MACROD2: variants seen among roughly 807,000 people sequenced by gnomAD.
MACROD2 encodes the protein mono-ADP ribosylhydrolase 2.
MACROD2 carries 36 observed loss-of-function variants against 70.4 expected under a neutral mutation model. The ratio of observed to expected loss-of-function variants is 0.51; its 90% CI spans 0.39 to 0.68. The LOEUF (loss-of-function observed/expected upper bound fraction) is 0.68. Ranked by LOEUF, MACROD2 falls within the 30% of genes least tolerant of loss-of-function variation. The pLI is 0.00. For synonymous variants in MACROD2, 172 were observed against 178.8 expected (o/e 0.96, Z 0.30); for missense variants, 496 against 538.4 (o/e 0.92, Z 0.78).
chr20:15,287,055 G>C (rs1478304317), intron 6 of MACROD2, among the ~76,000 whole-genome samples: 2 of 152,192 alleles, frequency 1.3e-5, no homozygotes, highest in Non-Finnish European at 2.9e-5. Context: ...TCAGAGAAAT[G>C]AAATGTGAAG....
At chr20:14,067,368 G>A (rs1374835816) in intron 2 of MACROD2, among the ~76,000 whole-genome samples, 1 of 151,988 alleles carries the variant, frequency 6.6e-6, no homozygotes, top group Non-Finnish European at 1.5e-5. Context: ...TGATCTGCCC[G>A]CCTGGGCCTC....
At position 16,031,064 on chromosome 20, in the gene MACROD2, T is replaced by C. The variant is rs57143984; in HGVS notation, c.1154-10137T>C. Among the ~76,000 whole-genome samples the C allele has an allele frequency of 8.0e-4, 121 of 152,142 alleles. 1 individual carries two copies. The East Asian group carries it at 0.021, about 27-fold the overall frequency. ...TACATAGTTAAATTTATTTAATGTA[T>C]CTTAAAGAAAATAAAAAGATGACAA... On this transcript the variant is annotated intron_variant, in intron 15 of 17. Coordinates refer to ENST00000684519, the MANE Select transcript of MACROD2 (RefSeq NM_001351661.2).
At chr20:15,084,863 T>A (rs1242193716) in intron 5 of MACROD2, among the ~76,000 whole-genome samples, 2 of 152,136 alleles carry the variant, frequency 1.3e-5, no homozygotes, top group Admixed American at 1.3e-4. Flanking sequence ...ACCTACAGAT[T>A]CAATGCAATA....
intron 5 of MACROD2, among the ~76,000 whole-genome samples, chr20:14,706,421 C>G (rs945358844): frequency 3.9e-5 from 6 of 152,130 alleles, no homozygotes; most frequent in African/African-American, 1.2e-4. Flanking sequence ...TGCTTTGGCT[C>G]TGGTCTTCAC....
chr20:14,495,313 A>T (rs2084841383), intron 4 of MACROD2, among the ~76,000 whole-genome samples: 1 of 152,110 alleles, frequency 6.6e-6, no homozygotes. Flanking sequence ...AGGGTACAGG[A>T]TGGCTGCTGG....
intron 3 of MACROD2, chr20:14,327,255 T>G (rs1372021200): frequency 3.1e-6 from 5 of 1,613,720 alleles, no homozygotes; most frequent in Middle Eastern, 1.6e-4. Flanking sequence ...TTCTTTCTAC[T>G]TTCAGCAAGT....
intron 5 of MACROD2, among the ~76,000 whole-genome samples, chr20:14,929,217 A>C (rs1358163669): frequency 1.3e-5 from 2 of 152,148 alleles, no homozygotes; most frequent in African/African-American, 2.4e-5. Context: ...AGTTTAAGGA[A>C]TCAGTCCCAC....
intron 3 of MACROD2, among the ~76,000 whole-genome samples, chr20:14,146,596 T>C (rs2148708806): frequency 6.6e-6 from 1 of 152,310 alleles, no homozygotes; most frequent in Non-Finnish European, 1.5e-5. Context: ...ATCCACTGAC[T>C]GATATTTTAT....
intron 8 of MACROD2, among the ~76,000 whole-genome samples, chr20:15,677,537 T>C (rs1486210448): frequency 6.6e-6 from 1 of 152,108 alleles, no homozygotes; most frequent in Non-Finnish European, 1.5e-5. Flanking sequence ...TGGTGACTAC[T>C]GCTACTACCA....
At chr20:14,181,376 T>C (rs555240715) in intron 3 of MACROD2, among the ~76,000 whole-genome samples, 4 of 152,162 alleles carry the variant, frequency 2.6e-5, no homozygotes, top group Non-Finnish European at 5.9e-5. Flanking sequence ...CCCTCTGTCA[T>C]TTCTTGACTA....
intron 2 of MACROD2, chr20:14,051,727 C>A: frequency 2.5e-6 from 1 of 405,724 alleles, no homozygotes; most frequent in Middle Eastern, 8.6e-4. Context: ...AAGGTATATC[C>A]TGGTGGGTAT....
Position 14,396,515 on chromosome 20 carries a change from C to T in MACROD2, c.272-96964C>T, listed in dbSNP as rs553768308. On this transcript the variant is annotated intron_variant, in intron 3 of 17. Transcript: ENST00000684519. ...CTGGAATCTACTTTTATAGCCGTTC[C>T]GATTTTCTTGTATTAGTGTTAGTAT... Among the ~76,000 whole-genome samples the T allele has an allele frequency of 1.4e-3, 218 of 152,068 alleles. 2 individuals carry two copies. Among genetic ancestry groups the T allele is most frequent in the African/African-American group, 4.9e-3 (202 of 41,480 alleles).
chr20:14,995,865 A>C (rs1403088743), intron 5 of MACROD2, among the ~76,000 whole-genome samples: 1 of 152,200 alleles, frequency 6.6e-6, no homozygotes, highest in Non-Finnish European at 1.5e-5. Context: ...CATGTATAAG[A>C]AACTAGAGAA....
At chr20:14,739,669 T>A (rs991165212) in intron 5 of MACROD2, among the ~76,000 whole-genome samples, 1 of 152,054 alleles carries the variant, frequency 6.6e-6, no homozygotes, top group African/African-American at 2.4e-5. Flanking sequence ...GTTTGTGGGA[T>A]GTTGTCATAA....
chr20:15,494,998 C>T (rs2047279474), intron 7 of MACROD2, among the ~76,000 whole-genome samples: 1 of 152,164 alleles, frequency 6.6e-6, no homozygotes, highest in African/African-American at 2.4e-5. Context: ...CCCTGCATGC[C>T]TGACCCTAAA....
At chr20:14,721,334 C>T (rs749512435) in intron 5 of MACROD2, among the ~76,000 whole-genome samples, 20 of 151,494 alleles carry the variant, frequency 1.3e-4, no homozygotes, top group Non-Finnish European at 2.1e-4. Context: ...GTTTGCACAA[C>T]GCTCAATTTG....
intron 6 of MACROD2, among the ~76,000 whole-genome samples, chr20:15,279,035 G>C (rs1216543152): frequency 2.0e-5 from 3 of 152,134 alleles, no homozygotes; most frequent in Non-Finnish European, 4.4e-5. Context: ...TGCTGAAATA[G>C]AGTTCTGTTT....
chr20:15,581,765 G>T (rs2048527480), intron 8 of MACROD2, among the ~76,000 whole-genome samples: 1 of 152,200 alleles, frequency 6.6e-6, no homozygotes, highest in Non-Finnish European at 1.5e-5. Flanking sequence ...GCTGGCTGTT[G>T]CCAGCTCTGC....
chr20:14,390,833 A>G (rs922613733), intron 3 of MACROD2, among the ~76,000 whole-genome samples: 6 of 152,262 alleles, frequency 3.9e-5, no homozygotes, highest in African/African-American at 1.2e-4. Context: ...GACACTTTTC[A>G]AAAGAAGACA....
Sources: allele counts gnomAD v4.1 joint callset (sites outside exome capture counted in the v4.1 genomes callset), GRCh38; gene constraint gnomAD v4.1.1; transcripts MANE v1.5; gene names NCBI Gene and HGNC (gene_info 2026-07-23, HGNC 2026-07-21).